XIRP1: variants seen among roughly 807,000 people sequenced by gnomAD.
XIRP1 encodes the protein xin actin binding repeat containing 1, also known as xin actin-binding repeat-containing protein 1.
For missense variants in XIRP1, 2,378 were observed against 2,345.4 expected (o/e 1.01, Z -0.29); for synonymous variants, 984 against 947.0 (o/e 1.04, Z -0.72).
rs9827576 is a variant in XIRP1 at position 39,184,276 on chromosome 3, T to C, written c.5170A>G (p.Ile1724Val). The C allele has an allele frequency of 2.4e-3, 3,872 of 1,614,180 alleles. 81 individuals carry two copies. The African/African-American group carries it at 0.044, about 18-fold the overall frequency. Reference sequence around the variant, plus strand: ...TCAGGTTGCACAGAGCACTGGGTGATGTCCTTCTTCCCAGTTTTGTCTTGG... The same window carrying C: ...TCAGGTTGCACAGAGCACTGGGTGACGTCCTTCTTCCCAGTTTTGTCTTGG... The part of the protein sequence containing the change: ...GVQDKTGKKD[I>V]TQCSVQPEPA... The change falls in exon 2 of 2, where the codon ATC becomes GTC. Residue 1724 changes from isoleucine to valine, a missense_variant. By Grantham distance (29) the Ile-to-Val change is conservative (BLOSUM62 3). Transcript: ENST00000340369.
rs114587382 is a variant in XIRP1 at position 39,189,284 on chromosome 3, G to T, written c.162C>A (p.Leu54=). The change falls in exon 2 of 2, where the codon CTC becomes CTA. Residue 54 remains leucine, a synonymous_variant. Coordinates refer to ENST00000340369, the MANE Select transcript of XIRP1 (RefSeq NM_194293.4). ...GGTGGATGTGCCTGTAGAGGCGGCGGAGCTCACTAGCTTGCCGCTGCTGAT... is the reference window on the plus strand; with the variant it reads ...GGTGGATGTGCCTGTAGAGGCGGCGTAGCTCACTAGCTTGCCGCTGCTGAT... ...KFHQQRQASE[L]RRLYRHIHPE... 1,006 of 1,613,862 alleles carry T rather than the reference G, an allele frequency of 6.2e-4. 7 individuals are homozygous for T. The African/African-American group carries it at 0.011, about 17-fold the overall frequency.
At chr3:39,192,264 T>C (rs2040096825) in intron 1 of XIRP1, among the ~76,000 whole-genome samples, 182 bp downstream of exon 1, 1 of 152,368 alleles carries the variant, frequency 6.6e-6, no homozygotes, top group Non-Finnish European at 1.5e-5. Context: ...GGGCTCACAC[T>C]GTCTTTACCT....
Position 39,185,341 on chromosome 3 carries a change from C to G in XIRP1, c.4105G>C (p.Ala1369Pro). Residue 1369 changes from alanine (A) to proline (P), a missense_variant, in exon 2 of 2, where the codon GCC (alanine) becomes CCC (proline). Physicochemically the swap from Ala to Pro is conservative, Grantham distance 27 (BLOSUM62 -1). Coordinates refer to ENST00000340369, the MANE Select transcript of XIRP1 (RefSeq NM_194293.4). ...GGAACCTTGGCTGGCTGAGGGATGG[C>G]TGTATCTCTCTCACCTCGTTGGTGT... The part of the protein sequence containing the change: ...REHQRGERDT[A>P]IPQPAKVPTT... 6.2e-7 allele frequency: 1 copy of G among 1,614,208 alleles called. No homozygotes were observed. Among genetic ancestry groups the G allele is most frequent in the Non-Finnish European group, 8.5e-7 (1 of 1,180,040 alleles).
chr3:39,185,117 G>A lies in XIRP1; in HGVS notation c.4329C>T (p.Gly1443=). The change falls in exon 2 of 2, where the codon GGC becomes GGT. Residue 1443 remains glycine, a synonymous_variant. Transcript: ENST00000340369. ...HDPTSPQWGP[G]PSGEQPMEGS... is the part of the protein sequence containing the mutation. ...CTTCCATGGGCTGCTCTCCTGAGGG[G>A]CCGGGGCCCCACTGTGGTGAGGTGG... 6.4e-7 allele frequency: 1 copy of A among 1,560,114 alleles called. No individual in the cohort carries two copies. The highest frequency in any genetic ancestry group is 1.2e-5 in the South Asian group (1 of 81,964).
In XIRP1 at chr3:39,189,178, C is replaced by T. The variant is rs147714202; in HGVS notation, c.268G>A (p.Asp90Asn). 1.5e-5 allele frequency: 25 copies of T among 1,614,216 alleles called. No individual in the cohort carries two copies. Among genetic ancestry groups the T allele is most frequent in the Non-Finnish European group, 2.1e-5 (25 of 1,180,054 alleles). ...VLGSEEPTEG[D>N]VQCMRWIFEN... ...AAGATCCAGCGCATGCACTGAACGT[C>T]ACCCTCGGTGGGTTCCTCAGAGCCC... Residue 90 changes from aspartate (D) to asparagine (N), a missense_variant, in exon 2 of 2, where the codon GAC (aspartate) becomes AAC (asparagine). Transcript: ENST00000340369.
At position 39,189,112 on chromosome 3, in the gene XIRP1, G is replaced by A; in HGVS notation, c.334C>T (p.Pro112Ser). ...CACAGCACGGGCTCCTTGGCAGCTG[G>A]CCTCTCGTGTTCTCCAATGGCATCC... ...RLDAIGEHER[P>S]AAKEPVLCGD... Residue 112 changes from proline (P) to serine (S), a missense_variant, in exon 2 of 2, where the codon CCA becomes TCA. Pro to Ser is a moderately conservative substitution (Grantham distance 74, BLOSUM62 -1). Coordinates refer to ENST00000340369, the MANE Select transcript of XIRP1 (RefSeq NM_194293.4). 2 of 1,614,158 alleles carry A rather than the reference G, an allele frequency of 1.2e-6. No individual in the cohort carries two copies. The highest frequency in any genetic ancestry group is 1.7e-6 in the Non-Finnish European group (2 of 1,180,040).
chr3:39,191,045 G>A (rs1376211365), intron 1 of XIRP1, among the ~76,000 whole-genome samples: 1 of 152,204 alleles, frequency 6.6e-6, no homozygotes, highest in Non-Finnish European at 1.5e-5. Flanking sequence ...CTGCACTGGG[G>A]GGAGGTACTG....
chr3:39,185,363 G>A lies in XIRP1; in HGVS notation c.4083C>T (p.His1361=). 6.2e-7 allele frequency: 1 copy of A among 1,614,244 alleles called. No individual in the cohort carries two copies. The change falls in exon 2 of 2, where the codon CAC becomes CAT. Residue 1361 remains histidine (H), a synonymous_variant. Coordinates refer to ENST00000340369, the MANE Select transcript of XIRP1 (RefSeq NM_194293.4). ...TGGCTGTATCTCTCTCACCTCGTTG[G>A]TGTTCTCTTTGCCCCACCTCCGAGG... The part of the protein sequence containing the change: ...SFSSEVGQRE[H]QRGERDTAIP...
In XIRP1 at chr3:39,184,957, G is replaced by A. The variant is rs534276393; in HGVS notation, c.4489C>T (p.Leu1497Phe). 5.2e-6 allele frequency: 8 copies of A among 1,549,344 alleles called. No homozygotes were observed. In the South Asian group the frequency reaches 8.8e-5, roughly 17 times the overall value. Residue 1497 changes from leucine (L) to phenylalanine (F), a missense_variant, in exon 2 of 2, where the codon CTC (leucine) becomes TTC (phenylalanine). By Grantham distance (22) the Leu-to-Phe change is conservative (BLOSUM62 0). Transcript: ENST00000340369. Reference sequence around the variant, plus strand: ...CCCAGCTGGGGCACGGCCTCAAAGAGCCTCCGCAGGGCCTGCACGTCCACA... The same window carrying A: ...CCCAGCTGGGGCACGGCCTCAAAGAACCTCCGCAGGGCCTGCACGTCCACA... ...SSVDVQALRR[L>F]FEAVPQLGGA...
chr3:39,187,821 A>C lies in XIRP1; in HGVS notation c.1625T>G (p.Val542Gly). 6.2e-7 allele frequency: 1 copy of C among 1,613,976 alleles called. No individual in the cohort carries two copies. Among genetic ancestry groups the C allele is most frequent in the African/African-American group, 1.3e-5 (1 of 74,976 alleles). ...DVVRGITRQE[V>G]VAGDVGTARW... ...AGCTGTGCCAACGTCCCCAGCCACCACTTCCTGCCGGGTGATGCCCCGCAC... is the reference window on the plus strand; with the variant it reads ...AGCTGTGCCAACGTCCCCAGCCACCCCTTCCTGCCGGGTGATGCCCCGCAC... The change falls in exon 2 of 2, where the codon GTG becomes GGG. Residue 542 changes from valine (V) to glycine (G), a missense_variant. Physicochemically the swap from Val to Gly is moderately radical, Grantham distance 109. Coordinates refer to ENST00000340369, the MANE Select transcript of XIRP1 (RefSeq NM_194293.4).
In XIRP1 at chr3:39,189,420, G is replaced by A. The variant is rs961551835; in HGVS notation, c.26C>T (p.Ala9Val). The change falls in exon 2 of 2, where the codon GCC becomes GTC. Residue 9 changes from alanine to valine, a missense_variant. Coordinates refer to ENST00000340369, the MANE Select transcript of XIRP1 (RefSeq NM_194293.4). MADTQTQVAPTPTMRMATA... is the reference protein window; with the variant it reads MADTQTQVVPTPTMRMATA... ...TGCCATCCTCATGGTTGGTGTGGGG[G>A]CCACCTGTGTCTGGGTGTCGGCCAT... is the stretch of plus-strand genomic sequence containing the variant. 1 of 1,601,180 alleles carries A rather than the reference G, an allele frequency of 6.2e-7. No individual in the cohort carries two copies.
At position 39,185,736 on chromosome 3, in the gene XIRP1, G is replaced by A. The variant is rs2039956657; in HGVS notation, c.3710C>T (p.Ala1237Val). ...GGCACCTGCAGCTTGGGGCCCAGAGGCCAGAATGTGGCGGCCTAGAGGGGC... is the reference window on the plus strand; with the variant it reads ...GGCACCTGCAGCTTGGGGCCCAGAGACCAGAATGTGGCGGCCTAGAGGGGC... ...KTAPLGRHIL[A>V]SGPQAAGASP... The change falls in exon 2 of 2, where the codon GCC becomes GTC. Residue 1237 changes from alanine (A) to valine (V), a missense_variant. Coordinates refer to ENST00000340369, the MANE Select transcript of XIRP1 (RefSeq NM_194293.4). 2 of 1,608,530 alleles carry A rather than the reference G, an allele frequency of 1.2e-6. No homozygotes were observed. The highest frequency in any genetic ancestry group is 8.5e-7 in the Non-Finnish European group (1 of 1,176,962).
rs1201164702 is a variant in XIRP1 at position 39,188,352 on chromosome 3, G to C, written c.1094C>G (p.Ala365Gly). The part of the protein sequence containing the change: ...DTLKGDEEAG[A>G]EAPPKEEVVP... ...CACTTCCTCCTTGGGTGGGGCCTCT[G>C]CTCCAGCCTCTTCGTCCCCCTTCAG... is the stretch of plus-strand genomic sequence containing the variant. Residue 365 changes from alanine (A) to glycine (G), a missense_variant, in exon 2 of 2, where the codon GCA becomes GGA. Coordinates refer to ENST00000340369, the MANE Select transcript of XIRP1 (RefSeq NM_194293.4). The C allele has an allele frequency of 6.2e-7, 1 of 1,614,038 alleles. No individual in the cohort carries two copies. The highest frequency in any genetic ancestry group is 8.5e-7 in the Non-Finnish European group (1 of 1,180,036).
chr3:39,188,292 A>T lies in XIRP1; in HGVS notation c.1154T>A (p.Phe385Tyr). Reference protein sequence around the residue: ...PGDVRSTLWLFETKPLDAFRD... With the variant: ...PGDVRSTLWLYETKPLDAFRD... ...GAAAGCATCCAGGGGCTTTGTTTCA[A>T]ATAGCCACAGGGTGGAGCGGACATC... The change falls in exon 2 of 2, where the codon TTT becomes TAT. Residue 385 changes from phenylalanine to tyrosine, a missense_variant. By Grantham distance (22) the Phe-to-Tyr change is conservative. Transcript: ENST00000340369. The T allele has an allele frequency of 6.2e-7, 1 of 1,614,114 alleles. No homozygotes were observed. The highest frequency in any genetic ancestry group is 8.5e-7 in the Non-Finnish European group (1 of 1,180,016).
chr3:39,188,069 C>G lies in XIRP1; in HGVS notation c.1377G>C (p.Leu459=). The G allele has an allele frequency of 6.2e-7, 1 of 1,614,222 alleles. No homozygotes were observed. Among genetic ancestry groups the G allele is most frequent in the South Asian group, 1.1e-5 (1 of 91,092 alleles). The change falls in exon 2 of 2, where the codon CTG becomes CTC. Residue 459 remains leucine (L), a synonymous_variant. Transcript: ENST00000340369. ...CTTCTCTGCTTGGACTCCCATGGGC[C>G]AGAACCTCACCCTGTCCAATGCTGT... ...PLDSIGQGEV[L]AHGSPSREEG... is the part of the protein sequence containing the mutation.
At chr3:39,189,796 T>C (rs1319914714) in intron 1 of XIRP1, among the ~76,000 whole-genome samples, 2 of 152,114 alleles carry the variant, frequency 1.3e-5, no homozygotes, top group Admixed American at 6.5e-5. Context: ...CGCATAAACC[T>C]CCAGTGGGCA....
Position 39,187,234 on chromosome 3 carries a change from C to T in XIRP1, c.2212G>A (p.Gly738Ser). Reference protein sequence around the residue: ...FTWLFENCPMGSLAAESIQGG... With the variant: ...FTWLFENCPMSSLAAESIQGG... ...TGGATGCTCTCAGCTGCCAGGGAGC[C>T]CATGGGACAATTCTCAAAAAGCCAA... The change falls in exon 2 of 2, where the codon GGC becomes AGC. Residue 738 changes from glycine to serine, a missense_variant. Transcript: ENST00000340369. 6.3e-7 allele frequency: 1 copy of T among 1,586,520 alleles called. No individual in the cohort carries two copies. The highest frequency in any genetic ancestry group is 2.3e-5 in the East Asian group (1 of 44,398).
chr3:39,188,009 T>A lies in XIRP1; in HGVS notation c.1437A>T (p.Ile479=), dbSNP rs1268067945. The A allele has an allele frequency of 2.5e-6, 4 of 1,614,216 alleles. No homozygotes were observed. The highest frequency in any genetic ancestry group is 3.4e-6 in the Non-Finnish European group (4 of 1,180,030). The change falls in exon 2 of 2, where the codon ATA becomes ATT. Residue 479 remains isoleucine (I), a synonymous_variant. Coordinates refer to ENST00000340369, the MANE Select transcript of XIRP1 (RefSeq NM_194293.4). The part of the protein sequence containing the change: ...GTDSAGQAQG[I]GSPVYAMQDS... Reference sequence around the variant, plus strand: ...CCTGCATGGCATACACTGGGGACCCTATGCCCTGGGCCTGCCCAGCAGAAT... The same window carrying A: ...CCTGCATGGCATACACTGGGGACCCAATGCCCTGGGCCTGCCCAGCAGAAT...
Position 39,185,954 on chromosome 3 carries a change from G to C in XIRP1, c.3492C>G (p.Pro1164=), listed in dbSNP as rs770898139. 8 of 1,614,064 alleles carry C rather than the reference G, an allele frequency of 5.0e-6. No individual in the cohort carries two copies. The highest frequency in any genetic ancestry group is 6.8e-6 in the Non-Finnish European group (8 of 1,179,964). Residue 1164 remains proline, a synonymous_variant, in exon 2 of 2, where the codon CCC becomes CCG. Coordinates refer to ENST00000340369, the MANE Select transcript of XIRP1 (RefSeq NM_194293.4). ...PGGVQLSQRE[P]QSRHRETALS... ...GGGCAGTCTCCCTGTGCCTTGACTG[G>C]GGTTCCCTCTGAGAAAGCTGGACAC... is the stretch of plus-strand genomic sequence containing the variant.
Sources: allele counts gnomAD v4.1 joint callset (sites outside exome capture counted in the v4.1 genomes callset), GRCh38; gene constraint gnomAD v4.1.1; transcripts MANE v1.5; gene names NCBI Gene and HGNC (gene_info 2026-07-23, HGNC 2026-07-21).